AFF2: variants seen among roughly 807,000 people sequenced by gnomAD.
AFF2 encodes the protein ALF transcription elongation factor 2.
Under a neutral mutation model 76.9 loss-of-function variants are expected in AFF2, and 14 were observed. The ratio of observed to expected loss-of-function variants is 0.18; its 90% confidence interval spans 0.12 to 0.28. AFF2 has a LOEUF of 0.28. Among genes scored for constraint, AFF2 ranks in the 10% least tolerant of loss-of-function variants. The pLI, the probability that AFF2 is intolerant of heterozygous loss-of-function variation, is 1.00. For synonymous variants in AFF2, 398 were observed against 366.7 expected (o/e 1.09, Z -0.98); for missense variants, 868 against 1,001.1 (o/e 0.87, Z 1.79).
intron 7 of AFF2, among the ~76,000 whole-genome samples, chrX:148,879,841 T>C (rs1448758953): frequency 3.6e-5 from 4 of 111,606 alleles, no homozygotes; most frequent in African/African-American, 9.7e-5. Flanking sequence ...TGCTTTGGGC[T>C]GAGGCCTTCA....
chrX:148,612,426 CATT>C (rs2053743834), intron 1 of AFF2, among the ~76,000 whole-genome samples: 1 of 112,365 alleles, frequency 8.9e-6, no homozygotes, highest in South Asian at 3.6e-4. Flanking sequence ...ATTGAATATA[CATT>C]GCTTTTCTAA....
intron 5 of AFF2, among the ~76,000 whole-genome samples, chrX:148,839,034 T>C (rs187904903): frequency 1.0e-3 from 112 of 112,322 alleles, no homozygotes; most frequent in African/African-American, 2.9e-3. Flanking sequence ...ATCCATCCAG[T>C]TCAGGTCCAA....
chrX:148,642,375 G>A (rs1363780527), intron 1 of AFF2, among the ~76,000 whole-genome samples: 2 of 112,496 alleles, frequency 1.8e-5, no homozygotes, highest in East Asian at 5.6e-4. Context: ...CTATTTCTGA[G>A]AAAATATTGT....
intron 1 of AFF2, among the ~76,000 whole-genome samples, chrX:148,610,677 C>G (rs2053720220): frequency 9.0e-6 from 1 of 110,708 alleles, no homozygotes; most frequent in South Asian, 3.9e-4. Flanking sequence ...AACTGCATTT[C>G]CAGTGGGTAA....
chrX:148,571,738 C>T (rs2053231623), intron 1 of AFF2, among the ~76,000 whole-genome samples: 1 of 111,214 alleles, frequency 9.0e-6, no homozygotes, highest in Non-Finnish European at 1.9e-5. Context: ...AAGCCTGAGT[C>T]GGTTCATTGT....
intron 1 of AFF2, among the ~76,000 whole-genome samples, chrX:148,597,600 T>C (rs2053586952): frequency 8.9e-6 from 1 of 112,390 alleles, no homozygotes; most frequent in South Asian, 3.7e-4. Flanking sequence ...ACTTTTTTCA[T>C]CTTAGAACTG....
At chrX:148,888,228 T>A (rs782641280) in intron 8 of AFF2, among the ~76,000 whole-genome samples, 1 of 111,186 alleles carries the variant, frequency 9.0e-6, no homozygotes, top group African/African-American at 3.3e-5. Flanking sequence ...ATCTACTTTT[T>A]GTCTGTATGG....
At chrX:148,727,911 G>A (rs149295535) in intron 3 of AFF2, among the ~76,000 whole-genome samples, 2,075 of 111,940 alleles carry the variant, frequency 0.019, 10 homozygotes, top group South Asian at 0.045. Flanking sequence ...GATCAAGAGA[G>A]TTCCGATAAA....
intron 3 of AFF2, among the ~76,000 whole-genome samples, chrX:148,758,706 T>G (rs1046075876): frequency 1.2e-4 from 13 of 111,981 alleles, no homozygotes; most frequent in African/African-American, 4.2e-4. Flanking sequence ...CCCCTTTTGT[T>G]GAACATTTAG....
intron 7 of AFF2, among the ~76,000 whole-genome samples, chrX:148,849,112 A>C (rs868938523): frequency 1.8e-5 from 2 of 111,637 alleles, no homozygotes; most frequent in Middle Eastern, 4.7e-3. Flanking sequence ...TGTTTGCATC[A>C]AGAAGCACTG....
intron 3 of AFF2, among the ~76,000 whole-genome samples, chrX:148,680,111 A>G (rs1299811802): frequency 2.7e-5 from 3 of 112,158 alleles, no homozygotes; most frequent in Non-Finnish European, 5.6e-5. Flanking sequence ...GTATTCATTC[A>G]TTTATTATGT....
chrX:148,976,287 A>G (rs973743481), intron 16 of AFF2, among the ~76,000 whole-genome samples: 33 of 112,216 alleles, frequency 2.9e-4, no homozygotes, highest in African/African-American at 9.7e-4. Context: ...ATCTTGCTTA[A>G]CTATATTACA....
At chrX:148,695,050 A>G (rs2054702253) in intron 3 of AFF2, among the ~76,000 whole-genome samples, 2 of 110,524 alleles carry the variant, frequency 1.8e-5, no homozygotes, top group African/African-American at 3.3e-5. Context: ...TCCTGACCTC[A>G]GGTGATCCAC....
intron 3 of AFF2, among the ~76,000 whole-genome samples, chrX:148,802,058 TAC>T (rs2070066732): frequency 8.9e-6 from 1 of 112,467 alleles, no homozygotes. Context: ...CTTGCTTCCA[TAC>T]ACACTTTAAG....
rs782767832 is a variant in AFF2, at chrX:148,721,726, C to T, written c.1041+58958C>T. On this transcript the variant is annotated intron_variant, in intron 3 of 20. Transcript: ENST00000370460. ...GGCTTAAATAACAAACATTTATTGTCTCATAGTTCTGGAGACTAGAAGACT... is the reference window on the plus strand; with the variant it reads ...GGCTTAAATAACAAACATTTATTGTTTCATAGTTCTGGAGACTAGAAGACT... Among the ~76,000 whole-genome samples the T allele has an allele frequency of 1.6e-3, 174 of 112,124 alleles. 1 individual carries two copies. The highest frequency in any genetic ancestry group is 5.6e-3 in the African/African-American group (172 of 30,866).
At chrX:148,965,604 C>A (rs1241108436) in intron 13 of AFF2, among the ~76,000 whole-genome samples, 1 of 111,367 alleles carries the variant, frequency 9.0e-6, no homozygotes, top group Non-Finnish European at 1.9e-5. Flanking sequence ...GACCATCCTG[C>A]CATTAACAGA....
chrX:148,599,880 T>G (rs1557247818), intron 1 of AFF2, among the ~76,000 whole-genome samples: 1 of 111,859 alleles, frequency 8.9e-6, no homozygotes, highest in Non-Finnish European at 1.9e-5. Flanking sequence ...TAAAGACATC[T>G]TCCCCTATAA....
intron 3 of AFF2, among the ~76,000 whole-genome samples, chrX:148,741,119 G>A (rs2055345391): frequency 8.9e-6 from 1 of 111,803 alleles, no homozygotes; most frequent in South Asian, 3.8e-4. Context: ...TTTTGTGCTG[G>A]TTGACCTCCT....
intron 3 of AFF2, among the ~76,000 whole-genome samples, chrX:148,738,116 G>T (rs1398416085): frequency 1.5e-4 from 17 of 111,137 alleles, no homozygotes; most frequent in Non-Finnish European, 5.7e-5. Flanking sequence ...TAGTATTAGG[G>T]TGCTGCTGGC....
Sources: allele counts gnomAD v4.1 joint callset (sites outside exome capture counted in the v4.1 genomes callset), GRCh38; gene constraint gnomAD v4.1.1; transcripts MANE v1.5; gene names NCBI Gene and HGNC (gene_info 2026-07-23, HGNC 2026-07-21).